The following ANO6 variants were observed in gnomAD, a reference collection of about 807,000 sequenced individuals.
ANO6 encodes the protein anoctamin-6.
ANO6 carries 106 observed loss-of-function variants against 117.5 expected under a neutral mutation model. That is an observed-to-expected ratio of 0.90 (90% CI 0.77 to 1.06). The LOEUF is 1.06. Among genes scored for constraint, ANO6 ranks in the 50% least tolerant of loss-of-function variants. The pLI is 0.00. For synonymous variants in ANO6, 367 were observed against 385.1 expected, an observed-to-expected ratio of 0.95 and a Z score of 0.55; for missense variants, 955 against 1,121.1, an observed-to-expected ratio of 0.85 and a Z score of 2.12.
intron 1 of ANO6, among the ~76,000 whole-genome samples, chr12:45,245,299 G>A (rs1387175786): frequency 6.6e-6 from 1 of 152,042 alleles, no homozygotes. Context: ...AGTATTAAAT[G>A]TGGGAAATCA....
intron 1 of ANO6, among the ~76,000 whole-genome samples, chr12:45,282,639 G>A (rs933037398): frequency 1.1e-4 from 16 of 152,182 alleles, no homozygotes; most frequent in African/African-American, 2.7e-4. Flanking sequence ...GAGTGCCAGC[G>A]TACTTTGACC....
chr12:45,314,914 A>G (rs1269250095), intron 2 of ANO6, among the ~76,000 whole-genome samples: 1 of 152,106 alleles, frequency 6.6e-6, no homozygotes, highest in Non-Finnish European at 1.5e-5. Context: ...GAGGGTGCCC[A>G]AATAGCATTA....
intron 1 of ANO6, among the ~76,000 whole-genome samples, chr12:45,298,325 A>G (rs1939363612): frequency 6.6e-6 from 1 of 152,238 alleles, no homozygotes; most frequent in South Asian, 2.1e-4. Context: ...CATGATTTAT[A>G]TAAGGAAAGA....
intron 2 of ANO6, among the ~76,000 whole-genome samples, chr12:45,327,743 C>T (rs1168382981): frequency 6.6e-6 from 1 of 152,052 alleles, no homozygotes; most frequent in Non-Finnish European, 1.5e-5. Flanking sequence ...AAACTTAGCT[C>T]ATGTCTAGGA....
chr12:45,420,315 C>CT (rs1159828081), intron 17 of ANO6, among the ~76,000 whole-genome samples: 1 of 152,172 alleles, frequency 6.6e-6, no homozygotes, highest in African/African-American at 2.4e-5. Context: ...AATGTTGACT[C>CT]TGATTACATG....
intron 1 of ANO6, among the ~76,000 whole-genome samples, chr12:45,221,817 A>G (rs1439952998): frequency 5.9e-5 from 9 of 151,528 alleles, no homozygotes; most frequent in African/African-American, 2.2e-4. Context: ...TTTCTGTTCC[A>G]ACTAGTCTTT....
At chr12:45,428,518 C>T (rs1943559423) in intron 19 of ANO6, among the ~76,000 whole-genome samples, 2 of 152,088 alleles carry the variant, frequency 1.3e-5, no homozygotes, top group Non-Finnish European at 2.9e-5. Context: ...GAGTAGGAGG[C>T]TTCAGTGAGC....
chr12:45,395,895 C>G (rs566437085), intron 12 of ANO6, among the ~76,000 whole-genome samples: 44 of 152,142 alleles, frequency 2.9e-4, no homozygotes, highest in East Asian at 3.9e-4. Flanking sequence ...ATACTGAATG[C>G]GCAAAAACTG....
rs143700336 is a variant in ANO6 at position 45,395,902 on chromosome 12, A to T, written c.1386+5404A>T. Among the ~76,000 whole-genome samples the T allele has an allele frequency of 5.9e-5, 9 of 152,286 alleles. No homozygotes were observed. The East Asian group carries it at 1.7e-3, about 29-fold the overall frequency. Reference sequence around the variant, plus strand: ...CCAATATCATACTGAATGCGCAAAAACTGGAAGCATTCCCTTTGAAAACTG... The same window carrying T: ...CCAATATCATACTGAATGCGCAAAATCTGGAAGCATTCCCTTTGAAAACTG... On this transcript the variant is annotated intron_variant, in intron 12 of 19. Transcript: ENST00000320560.
At chr12:45,298,446 C>A (rs1454367025) in intron 1 of ANO6, among the ~76,000 whole-genome samples, 6 of 152,104 alleles carry the variant, frequency 3.9e-5, no homozygotes, top group Admixed American at 2.6e-4. Flanking sequence ...GAGAAATGAA[C>A]TTTTTCAGTT....
At chr12:45,387,820 C>T (rs1942338497) in intron 10 of ANO6, among the ~76,000 whole-genome samples, 1 of 152,026 alleles carries the variant, frequency 6.6e-6, no homozygotes, top group Admixed American at 6.6e-5. Flanking sequence ...GTTGGATTTC[C>T]CCCATCCTGT....
At chr12:45,218,265 A>T (rs1458610803) in intron 1 of ANO6, among the ~76,000 whole-genome samples, 1 of 152,010 alleles carries the variant, frequency 6.6e-6, no homozygotes, top group Non-Finnish European at 1.5e-5. Context: ...AACATATTTT[A>T]CGTCAAGCAG....
At chr12:45,390,400 C>G in intron 11 of ANO6, 21 bp from the exon 12 acceptor site, 1 of 1,599,622 alleles carries the variant, frequency 6.3e-7, no homozygotes, top group Non-Finnish European at 8.6e-7. Flanking sequence ...ATTGACTAAA[C>G]TTTTTTGTTT....
At chr12:45,428,864 A>G (rs974964851) in intron 19 of ANO6, among the ~76,000 whole-genome samples, 9 of 152,136 alleles carry the variant, frequency 5.9e-5, no homozygotes, top group African/African-American at 2.2e-4. Flanking sequence ...CTTTATAACC[A>G]TTATATGTGT....
chr12:45,374,407 G>T (rs1941942063), intron 9 of ANO6, among the ~76,000 whole-genome samples: 1 of 96,218 alleles, frequency 1.0e-5, no homozygotes, highest in African/African-American at 4.4e-5. Flanking sequence ...CCAAAAAAGA[G>T]AATTTTAGAC....
chr12:45,360,620 C>A (rs984531533), intron 8 of ANO6, among the ~76,000 whole-genome samples: 1 of 152,180 alleles, frequency 6.6e-6, no homozygotes. Context: ...TTTTGATGAT[C>A]TCCAGTTTAC....
chr12:45,320,874 G>A (rs1940241493), intron 2 of ANO6, among the ~76,000 whole-genome samples: 2 of 152,058 alleles, frequency 1.3e-5, no homozygotes, highest in East Asian at 3.9e-4. Context: ...ATTATGTAAT[G>A]GCCTTCTTTG....
intron 2 of ANO6, among the ~76,000 whole-genome samples, chr12:45,305,036 C>G (rs1383836964): frequency 6.6e-6 from 1 of 152,170 alleles, no homozygotes; most frequent in African/African-American, 2.4e-5. Context: ...TTGCTCTTCT[C>G]CAGCTCCTGC....
intron 2 of ANO6, 132 bp from the exon 3 acceptor site, chr12:45,331,163 T>G: frequency 1.3e-6 from 1 of 759,846 alleles, no homozygotes; most frequent in Middle Eastern, 3.9e-4. Flanking sequence ...GCCATGACTG[T>G]TTGGTAAGCT....
Sources: allele counts gnomAD v4.1 joint callset (sites outside exome capture counted in the v4.1 genomes callset), GRCh38; gene constraint gnomAD v4.1.1; transcripts MANE v1.5; gene names NCBI Gene and HGNC (gene_info 2026-07-23, HGNC 2026-07-21).